The following SPAG6 variants were observed in gnomAD, a reference collection of about 807,000 sequenced individuals.
SPAG6 encodes sperm-associated antigen 6.
Under a neutral mutation model 58.5 loss-of-function variants are expected in SPAG6, and 49 were observed. The ratio of observed to expected loss-of-function variants is 0.84; its 90% CI spans 0.67 to 1.06. The LOEUF (loss-of-function observed/expected upper bound fraction) is 1.06, where lower values mean the gene tolerates loss of function less well. SPAG6 is among the 50% of genes least tolerant of loss of function. The probability of loss-of-function intolerance (pLI) is 0.00; values close to 1 mark genes in which losing one functional copy is unlikely to be tolerated. For missense variants in SPAG6, 560 were observed against 611.3 expected (o/e 0.92, Z 0.89); for synonymous variants, 233 against 225.6 (o/e 1.03, Z -0.29).
intron 10 of SPAG6, among the ~76,000 whole-genome samples, chr10:22,414,502 C>G (rs918545796): frequency 2.0e-5 from 3 of 152,112 alleles, no homozygotes; most frequent in African/African-American, 7.2e-5. Context: ...CCTTTAGCCA[C>G]AGTTTCTGCA....
At chr10:22,366,876 A>AGTGCAG (rs1412215758) in intron 3 of SPAG6, among the ~76,000 whole-genome samples, 1 of 152,182 alleles carries the variant, frequency 6.6e-6, no homozygotes. Context: ...CTACAGCAGA[A>AGTGCAG]AAGTGAGGAG....
intron 4 of SPAG6, among the ~76,000 whole-genome samples, chr10:22,373,267 T>C (rs932511759): frequency 6.6e-6 from 1 of 152,118 alleles, no homozygotes; most frequent in African/African-American, 2.4e-5. Flanking sequence ...AGATAGATAA[T>C]GTAAGCAAGG....
intron 4 of SPAG6, among the ~76,000 whole-genome samples, chr10:22,371,499 G>T (rs974152419): frequency 6.6e-6 from 1 of 152,104 alleles, no homozygotes; most frequent in Non-Finnish European, 1.5e-5. Flanking sequence ...TAATCCGCCC[G>T]CCTCGGCCTC....
intron 9 of SPAG6, among the ~76,000 whole-genome samples, chr10:22,409,296 C>G (rs1834659305): frequency 6.6e-6 from 1 of 152,148 alleles, no homozygotes; most frequent in South Asian, 2.1e-4. Context: ...ATATGTAAAA[C>G]CAATATATTT....
chr10:22,346,430 G>GTTCTTCTTCCTCTTCTTCTTCTTC, intron 2 of SPAG6, among the ~76,000 whole-genome samples: 1 of 96,002 alleles, frequency 1.0e-5, no homozygotes, highest in South Asian at 4.4e-4. Flanking sequence ...AGAGAAAATG[G>GTTCTTCTTCCTCTTCTTCTTCTTC]TTCTTCTTCT....
chr10:22,415,565 TTAAC>T (rs1279816903), intron 10 of SPAG6, among the ~76,000 whole-genome samples: 1 of 152,158 alleles, frequency 6.6e-6, no homozygotes, highest in East Asian at 1.9e-4. Flanking sequence ...AAGTAGCTGT[TTAAC>T]TATGGATGCC....
intron 4 of SPAG6, among the ~76,000 whole-genome samples, chr10:22,386,315 G>A (rs536113114): frequency 6.6e-6 from 1 of 152,120 alleles, no homozygotes; most frequent in Non-Finnish European, 1.5e-5. Flanking sequence ...CAAGATTGAT[G>A]TTAATGTTTA....
In SPAG6 at chr10:22,401,206, C is replaced by G; in HGVS notation, c.1243C>G (p.Pro415Ala). 1.2e-6 allele frequency: 2 copies of G among 1,607,904 alleles called. No homozygotes were observed. Among genetic ancestry groups the G allele is most frequent in the Non-Finnish European group, 1.7e-6 (2 of 1,174,576 alleles). ...TATCCTGCAAAAATGTACCTACTTA[C>G]CAGCCCTTGAACCATTTCTATATGA... The part of the protein sequence containing the change: ...KNILQKCTYL[P>A]ALEPFLYDAP... The change falls in exon 9 of 11, where the codon CCA (proline) becomes GCA (alanine). Residue 415 changes from proline to alanine, a missense_variant. Coordinates refer to ENST00000376624, the MANE Select transcript of SPAG6 (RefSeq NM_012443.4).
chr10:22,406,514 A>G (rs926959062), intron 9 of SPAG6, among the ~76,000 whole-genome samples: 2 of 152,014 alleles, frequency 1.3e-5, no homozygotes, highest in African/African-American at 4.8e-5. Flanking sequence ...AGTTTGTTAT[A>G]ATTTCTGTTG....
chr10:22,403,421 G>A (rs1344308001), intron 9 of SPAG6, among the ~76,000 whole-genome samples: 3 of 152,160 alleles, frequency 2.0e-5, no homozygotes, highest in Non-Finnish European at 2.9e-5. Flanking sequence ...TACTGAGAAT[G>A]ATGATTTCCA....
At chr10:22,409,778 G>C (rs1436461157) in intron 9 of SPAG6, among the ~76,000 whole-genome samples, 1 of 152,130 alleles carries the variant, frequency 6.6e-6, no homozygotes, top group Non-Finnish European at 1.5e-5. Flanking sequence ...TCCTAGTCTG[G>C]TCAGTCTTTT....
intron 5 of SPAG6, 92 bp from the exon 6 acceptor site, chr10:22,387,731 T>A (rs1451522084): frequency 1.6e-6 from 2 of 1,226,430 alleles, no homozygotes; most frequent in African/African-American, 3.1e-5. Flanking sequence ...TAAAGGAATT[T>A]GAATATATAT....
chr10:22,345,766 G>T lies in SPAG6; in HGVS notation c.69G>T (p.Met23Ile), dbSNP rs1208656826. ...YQKARTQFVQ[M>I]VAELATRPQN... ...AGGCCAGGACCCAGTTCGTGCAGATGGTGGCGGAGCTGGCGACTAGACCCC... is the reference window on the plus strand; with the variant it reads ...AGGCCAGGACCCAGTTCGTGCAGATTGTGGCGGAGCTGGCGACTAGACCCC... Residue 23 changes from methionine to isoleucine, a missense_variant, in exon 2 of 11, where the codon ATG (methionine) becomes ATT (isoleucine). Met to Ile is a conservative substitution (Grantham distance 10). Coordinates refer to ENST00000376624, the MANE Select transcript of SPAG6 (RefSeq NM_012443.4). The surrounding 1 kb of genome is among the most constrained non-coding windows in gnomAD (Gnocchi z 6.3). The T allele has an allele frequency of 1.2e-6, 2 of 1,613,640 alleles. No individual in the cohort carries two copies. The highest frequency in any genetic ancestry group is 2.7e-5 in the African/African-American group (2 of 74,924).
At chr10:22,408,810 C>T (rs956436918) in intron 9 of SPAG6, among the ~76,000 whole-genome samples, 18 of 151,374 alleles carry the variant, frequency 1.2e-4, no homozygotes, top group African/African-American at 3.6e-4. Flanking sequence ...TAGGACCCTC[C>T]GAGCCATGTG....
chr10:22,349,071 ACTC>A (rs1836645947), intron 2 of SPAG6, among the ~76,000 whole-genome samples: 1 of 151,254 alleles, frequency 6.6e-6, no homozygotes. Flanking sequence ...CTGGTCTCGA[ACTC>A]CTGACCTCAA....
chr10:22,359,865 A>G (rs1436818538), intron 2 of SPAG6, among the ~76,000 whole-genome samples: 4 of 152,178 alleles, frequency 2.6e-5, no homozygotes, highest in Non-Finnish European at 4.4e-5. Context: ...GGTTTGTTAC[A>G]TAGGTAAACG....
In SPAG6 at chr10:22,345,855, C is replaced by CCCCCCGCCCT. The variant is rs763152175; in HGVS notation, c.121+37_121+38insCCCCCGCCCT. The stretch of plus-strand genomic sequence containing the variant: ...GCCCGAACCCCCGTCGCCCCCCGCG[C>CCCCCCGCCCT]ACTGAGTCCCCGACGCCTCCGCCCC... On this transcript the variant is annotated intron_variant, in intron 2 of 10. Coordinates refer to ENST00000376624, the MANE Select transcript of SPAG6 (RefSeq NM_012443.4). This position sits in a 1 kb window ranked among gnomAD's most constrained non-coding sequence, Gnocchi z 6.3. 5.3e-4 allele frequency: 852 copies of CCCCCCGCCCT among 1,596,858 alleles called. 14 individuals carry two copies. The East Asian group carries it at 0.016, about 30-fold the overall frequency.
At chr10:22,358,722 G>A (rs557273791) in intron 2 of SPAG6, among the ~76,000 whole-genome samples, 185 of 152,126 alleles carry the variant, frequency 1.2e-3, no homozygotes, top group South Asian at 5.2e-3. Flanking sequence ...TAGGTCTAAC[G>A]TTTAAGTCTT....
chr10:22,401,331 A>ATT, intron 9 of SPAG6, 54 bp downstream of exon 9: 22 of 865,836 alleles, frequency 2.5e-5, no homozygotes, highest in Admixed American at 4.4e-5. Context: ...ATTTGTTGTT[A>ATT]TTTTTTTTTT....
Sources: allele counts gnomAD v4.1 joint callset (sites outside exome capture counted in the v4.1 genomes callset), GRCh38; gene constraint gnomAD v4.1.1; non-coding constraint Gnocchi (gnomAD v3.1); transcripts MANE v1.5; gene names NCBI Gene and HGNC (gene_info 2026-07-23, HGNC 2026-07-21).